Variants in CA10 observed in about 807,000 individuals in gnomAD.
CA10 encodes the protein carbonic anhydrase-related protein 10.
A neutral mutation model predicts 44.2 loss-of-function variants in CA10; 14 were observed. The ratio of observed to expected loss-of-function variants is 0.32; its 90% CI spans 0.21 to 0.50. CA10 has a LOEUF of 0.50. Ranked by LOEUF, CA10 falls within the 20% of genes least tolerant of loss-of-function variation. The pLI is 0.99. For missense variants in CA10, 350 were observed against 409.7 expected (o/e 0.85, Z 1.26); for synonymous variants, 159 against 141.6 (o/e 1.12, Z -0.87).
chr17:52,002,759 G>A (rs1014455604), intron 2 of CA10, among the ~76,000 whole-genome samples: 5 of 151,872 alleles, frequency 3.3e-5, no homozygotes, highest in Admixed American at 1.3e-4. Context: ...CAGGGACTCC[G>A]TAGACATTTC....
rs113522244 is a variant in CA10 at position 52,063,049 on chromosome 17, G to A, written c.136+9270C>T. On this transcript the variant is annotated intron_variant, in intron 2 of 8. Transcript: ENST00000451037. ...GGGAGCCCACTTCTCATATCAGTAT[G>A]CCCAGGATGCAGGACATGGGTCAAA... Among the ~76,000 whole-genome samples the A allele has an allele frequency of 7.6e-3, 1,157 of 152,344 alleles. 7 individuals are homozygous for A. Among genetic ancestry groups the A allele is most frequent in the South Asian group, 0.022 (104 of 4,832 alleles).
At chr17:52,034,480 G>T (rs1280983902) in intron 2 of CA10, among the ~76,000 whole-genome samples, 1 of 152,170 alleles carries the variant, frequency 6.6e-6, no homozygotes, top group African/African-American at 2.4e-5. Context: ...AACTGTGATT[G>T]TATCTTTATT....
chr17:51,932,572 T>C lies in CA10; in HGVS notation c.137-1440A>G, dbSNP rs151175607. ...AAAATATGACAAATATCTAATTTGG[T>C]TTCATCCATGCCAATAAGCCTCTGG... On this transcript the variant is annotated intron_variant, in intron 2 of 8. Transcript: ENST00000451037. Among the ~76,000 whole-genome samples, 20 of 152,252 alleles carry C rather than the reference T, an allele frequency of 1.3e-4. 1 individual carries two copies. In the East Asian group the frequency reaches 3.9e-3, roughly 29 times the overall value.
intron 3 of CA10, among the ~76,000 whole-genome samples, chr17:51,845,380 C>T (rs1007671917): frequency 5.3e-5 from 8 of 152,160 alleles, no homozygotes; most frequent in African/African-American, 1.4e-4. Flanking sequence ...TGCAGAGAGG[C>T]CCCATGGTGA....
intron 2 of CA10, among the ~76,000 whole-genome samples, chr17:52,022,535 T>C (rs7215729): frequency 0.99 from 150,255 of 152,142 alleles, 74,226 homozygotes; most frequent in East Asian, 1. Flanking sequence ...TCCCCTATTC[T>C]CCTTAATAAC....
At chr17:52,049,538 C>A (rs1286823196) in intron 2 of CA10, among the ~76,000 whole-genome samples, 2 of 152,084 alleles carry the variant, frequency 1.3e-5, no homozygotes, top group Non-Finnish European at 2.9e-5. Context: ...TGTGAGTTGC[C>A]ATTGTGGGTG....
chr17:51,839,832 G>A (rs529342759), intron 3 of CA10, among the ~76,000 whole-genome samples: 1 of 152,154 alleles, frequency 6.6e-6, no homozygotes, highest in Non-Finnish European at 1.5e-5. Flanking sequence ...ATCAATTCCA[G>A]GAATCAGCAA....
intron 2 of CA10, among the ~76,000 whole-genome samples, chr17:51,989,573 C>G (rs967935553): frequency 1.4e-4 from 21 of 151,998 alleles, no homozygotes; most frequent in African/African-American, 4.6e-4. Flanking sequence ...CAGTGAGAGA[C>G]TGGATAAAGA....
chr17:52,012,181 A>G (rs117045902), intron 2 of CA10, among the ~76,000 whole-genome samples: 123 of 152,172 alleles, frequency 8.1e-4, no homozygotes, highest in Non-Finnish European at 1.6e-3. Flanking sequence ...TTACAGATGA[A>G]GAAACTGAGG....
At chr17:51,792,449 G>A (rs1906556308) in intron 3 of CA10, among the ~76,000 whole-genome samples, 1 of 152,176 alleles carries the variant, frequency 6.6e-6, no homozygotes, top group African/African-American at 2.4e-5. Context: ...ATTGGTGGCA[G>A]CATATGTTTG....
At chr17:52,107,171 C>A (rs1270460906) in intron 1 of CA10, among the ~76,000 whole-genome samples, 1 of 152,160 alleles carries the variant, frequency 6.6e-6, no homozygotes, top group East Asian at 1.9e-4. Flanking sequence ...TTTAATCTCT[C>A]AAGCTGGGGC....
At chr17:52,046,033 AAATT>A (rs1176225062) in intron 2 of CA10, among the ~76,000 whole-genome samples, 5 of 151,958 alleles carry the variant, frequency 3.3e-5, no homozygotes, top group African/African-American at 1.2e-4. Context: ...AACTGAATAA[AAATT>A]AAATCACACA....
At chr17:52,025,402 C>T (rs550262000) in intron 2 of CA10, among the ~76,000 whole-genome samples, 2 of 152,120 alleles carry the variant, frequency 1.3e-5, no homozygotes, top group Non-Finnish European at 2.9e-5. Flanking sequence ...TTTTATAGCT[C>T]AGAGTTTCAG....
intron 3 of CA10, among the ~76,000 whole-genome samples, chr17:51,792,094 T>A (rs1355129830): frequency 6.6e-6 from 1 of 152,150 alleles, no homozygotes; most frequent in Non-Finnish European, 1.5e-5. Context: ...TACTCCAAGT[T>A]CAGGTATTAT....
chr17:52,001,183 G>A (rs1985412897), intron 2 of CA10, among the ~76,000 whole-genome samples: 1 of 151,882 alleles, frequency 6.6e-6, no homozygotes, highest in Non-Finnish European at 1.5e-5. Context: ...TGGCCTATGA[G>A]GTAAGAATGT....
At chr17:52,157,695 A>T (rs1598245804) in intron 1 of CA10, 31 bp downstream of exon 1, 2 of 1,605,810 alleles carry the variant, frequency 1.2e-6, no homozygotes, top group South Asian at 2.2e-5. Flanking sequence ...ACATAATCCA[A>T]ATCAGCCAGT....
chr17:52,090,916 G>C (rs1406514480), intron 1 of CA10, among the ~76,000 whole-genome samples: 2 of 152,032 alleles, frequency 1.3e-5, no homozygotes, highest in African/African-American at 4.8e-5. Context: ...CATGAACCAA[G>C]GAAGACAAAG....
intron 2 of CA10, among the ~76,000 whole-genome samples, chr17:52,056,383 G>T (rs1987231912): frequency 6.6e-6 from 1 of 152,020 alleles, no homozygotes; most frequent in Non-Finnish European, 1.5e-5. Flanking sequence ...GCGGGTTGGT[G>T]GGGAGAAAGA....
intron 2 of CA10, among the ~76,000 whole-genome samples, chr17:52,066,007 C>T (rs1296655268): frequency 1.3e-5 from 2 of 152,200 alleles, no homozygotes; most frequent in African/African-American, 2.4e-5. Flanking sequence ...GTGAAGGTGA[C>T]TTGCTTCCTC....
Sources: gnomAD v4.1 joint callset for allele counts (sites outside exome capture counted in the v4.1 genomes callset) on GRCh38, gnomAD v4.1.1 for gene constraint, MANE v1.5 for transcripts, NCBI Gene and HGNC (gene_info 2026-07-23, HGNC 2026-07-21) for gene names.